The following CSMD1 variants were observed in gnomAD, a reference collection of about 807,000 sequenced individuals.
The protein encoded by CSMD1 is CUB and Sushi multiple domains 1.
A neutral mutation model predicts 417.5 loss-of-function variants in CSMD1; 213 were observed. The observed-to-expected ratio is 0.51, with a 90% CI of 0.46 to 0.57. CSMD1 has a LOEUF of 0.57. CSMD1 is among the 20% of genes least tolerant of loss of function. The probability of loss-of-function intolerance (pLI) is 0.00; values close to 1 mark genes in which losing one functional copy is unlikely to be tolerated. For synonymous variants in CSMD1, 2,862 were observed against 1,736.8 expected (o/e 1.65, Z -16.11); for missense variants, 6,923 against 4,529.7 (o/e 1.53, Z -15.17).
chr8:2,992,229 A>G (rs1269084067), intron 54 of CSMD1, among the ~76,000 whole-genome samples: 5 of 152,002 alleles, frequency 3.3e-5, no homozygotes, highest in Non-Finnish European at 7.4e-5. Context: ...ACATGCACAC[A>G]TGCCACACTC....
At chr8:4,775,752 A>T (rs1255377743) in intron 1 of CSMD1, among the ~76,000 whole-genome samples, 1 of 152,210 alleles carries the variant, frequency 6.6e-6, no homozygotes, top group Non-Finnish European at 1.5e-5. Context: ...CCTGCCATCC[A>T]AGAGTCTGCT....
chr8:4,565,085 G>A (rs944457596), intron 2 of CSMD1, among the ~76,000 whole-genome samples: 3 of 152,182 alleles, frequency 2.0e-5, no homozygotes, highest in Non-Finnish European at 4.4e-5. Context: ...AACTTTCCCT[G>A]AGTGCTTTCT....
chr8:4,019,652 G>T (rs531658990), intron 4 of CSMD1, among the ~76,000 whole-genome samples: 1 of 152,132 alleles, frequency 6.6e-6, no homozygotes, highest in African/African-American at 2.4e-5. Flanking sequence ...AAAGGGAGCT[G>T]GAACTTAAAG....
rs115171270 is a variant in CSMD1, at chr8:3,888,442, C to G, written c.818+109461G>C. Reference sequence around the variant, plus strand: ...TTTACCTTAATGCAAGGTTCATGTGCAAATGCATAATTAAAAAGAAGCGCC... The same window carrying G: ...TTTACCTTAATGCAAGGTTCATGTGGAAATGCATAATTAAAAAGAAGCGCC... On this transcript the variant is annotated intron_variant, in intron 5 of 69. Coordinates refer to ENST00000635120, the MANE Select transcript of CSMD1 (RefSeq NM_033225.6). Among the ~76,000 whole-genome samples, 668 of 152,254 alleles carry G rather than the reference C, an allele frequency of 4.4e-3. 9 individuals are homozygous for G. Among genetic ancestry groups the G allele is most frequent in the African/African-American group, 0.015 (640 of 41,556 alleles).
chr8:4,391,929 T>C (rs1329655930), intron 3 of CSMD1, among the ~76,000 whole-genome samples: 1 of 152,180 alleles, frequency 6.6e-6, no homozygotes, highest in African/African-American at 2.4e-5. Flanking sequence ...GAGGCTCCCA[T>C]GAAGAATACT....
intron 54 of CSMD1, among the ~76,000 whole-genome samples, chr8:2,990,338 T>C (rs930920306): frequency 6.6e-6 from 1 of 152,218 alleles, no homozygotes; most frequent in African/African-American, 2.4e-5. Flanking sequence ...TTCAGCCATA[T>C]TTAGCACAGT....
intron 3 of CSMD1, among the ~76,000 whole-genome samples, chr8:4,150,739 G>C (rs896799826): frequency 3.9e-5 from 6 of 152,140 alleles, no homozygotes; most frequent in African/African-American, 1.2e-4. Flanking sequence ...GATTAAAAAG[G>C]AATTTCAAAA....
chr8:4,111,510 G>T (rs551056474), intron 3 of CSMD1, among the ~76,000 whole-genome samples: 1 of 152,148 alleles, frequency 6.6e-6, no homozygotes, highest in Non-Finnish European at 1.5e-5. Context: ...CAAAGACATG[G>T]AATCCACCCA....
intron 10 of CSMD1, among the ~76,000 whole-genome samples, chr8:3,570,088 T>A (rs1327379197): frequency 2.0e-5 from 3 of 152,200 alleles, no homozygotes; most frequent in African/African-American, 7.2e-5. Context: ...CCAAGCTGCC[T>A]AAATTCATTA....
intron 4 of CSMD1, among the ~76,000 whole-genome samples, chr8:4,027,383 C>T (rs112623612): frequency 2.6e-5 from 4 of 152,250 alleles, no homozygotes; most frequent in African/African-American, 9.6e-5. Flanking sequence ...TTCTAATCCC[C>T]TAATCCCCAT....
intron 33 of CSMD1, among the ~76,000 whole-genome samples, chr8:3,193,614 T>G (rs576845491): frequency 6.6e-6 from 1 of 152,174 alleles, no homozygotes; most frequent in African/African-American, 2.4e-5. Flanking sequence ...TAGTAAATAT[T>G]TCACACTGCT....
intron 3 of CSMD1, among the ~76,000 whole-genome samples, chr8:4,354,122 G>T (rs375103406): frequency 6.6e-6 from 1 of 152,082 alleles, no homozygotes; most frequent in Non-Finnish European, 1.5e-5. Flanking sequence ...CCAAGAACGC[G>T]CCTGAAAGTA....
chr8:4,715,744 A>G (rs1822704949), intron 1 of CSMD1, among the ~76,000 whole-genome samples: 1 of 152,014 alleles, frequency 6.6e-6, no homozygotes, highest in Non-Finnish European at 1.5e-5. Flanking sequence ...TTTCTCTCAC[A>G]CATATCCAAC....
chr8:3,825,959 C>T (rs769530720), intron 5 of CSMD1, among the ~76,000 whole-genome samples: 16 of 152,138 alleles, frequency 1.1e-4, no homozygotes, highest in African/African-American at 2.4e-4. Context: ...TTAAATGCAT[C>T]GTTTTAACTT....
Position 4,656,393 on chromosome 8 carries a change from A to T in CSMD1, c.86-18835T>A, listed in dbSNP as rs147092579. On this transcript the variant is annotated intron_variant, in intron 1 of 69. Coordinates refer to ENST00000635120, the MANE Select transcript of CSMD1 (RefSeq NM_033225.6). ...ATGATATTCAGATTTTAATCTCAGT[A>T]AAGTGGGGACACTTTGAAGGACTAA... 1.3e-3 allele frequency among the ~76,000 whole-genome samples: 192 copies of T among 152,144 alleles called. 5 individuals carry two copies. The highest frequency in any genetic ancestry group is 4.3e-3 in the African/African-American group (177 of 41,442).
At chr8:4,087,002 G>A (rs532921758) in intron 3 of CSMD1, among the ~76,000 whole-genome samples, 1 of 152,164 alleles carries the variant, frequency 6.6e-6, no homozygotes, top group Non-Finnish European at 1.5e-5. Context: ...ACAAAATGGG[G>A]ATAACGCTAT....
chr8:4,859,681 A>C (rs1802012313), intron 1 of CSMD1, among the ~76,000 whole-genome samples: 1 of 152,098 alleles, frequency 6.6e-6, no homozygotes, highest in African/African-American at 2.4e-5. Context: ...CCTGGCCATC[A>C]GAGAAATGCA....
intron 3 of CSMD1, among the ~76,000 whole-genome samples, chr8:4,287,878 C>G (rs1700038): frequency 0.045 from 6,833 of 152,050 alleles, 249 homozygotes; most frequent in South Asian, 0.16. Flanking sequence ...CAAGGGCAGT[C>G]TCAGGACATC....
At chr8:4,669,083 C>T (rs967882940) in intron 1 of CSMD1, among the ~76,000 whole-genome samples, 1 of 152,156 alleles carries the variant, frequency 6.6e-6, no homozygotes, top group African/African-American at 2.4e-5. Context: ...TTTTTACAGA[C>T]TTATAAAGCT....
Sources: gnomAD v4.1 joint callset for allele counts (sites outside exome capture counted in the v4.1 genomes callset) on GRCh38, gnomAD v4.1.1 for gene constraint, MANE v1.5 for transcripts, NCBI Gene and HGNC (gene_info 2026-07-23, HGNC 2026-07-21) for gene names.